Variants in C6orf89 observed in about 807,000 individuals in gnomAD.
The protein encoded by C6orf89 is bombesin receptor-activated protein C6orf89.
In C6orf89, 29 loss-of-function variants were observed where a neutral mutation model predicts 40.7. That is an observed-to-expected ratio of 0.71 (90% CI 0.53 to 0.97). C6orf89 has a LOEUF of 0.97. Among genes scored for constraint, C6orf89 ranks in the 50% least tolerant of loss-of-function variants. The pLI is 0.00. For synonymous variants in C6orf89, 165 were observed against 152.2 expected (o/e 1.08, Z -0.62); for missense variants, 392 against 429.1 (o/e 0.91, Z 0.76).
intron 3 of C6orf89, among the ~76,000 whole-genome samples, chr6:36,901,832 G>T (rs1345838854): frequency 1.3e-5 from 2 of 150,134 alleles, no homozygotes; most frequent in African/African-American, 4.9e-5. Context: ...CATCATGCCT[G>T]GCTAATTTTT....
At chr6:36,903,065 A>G (rs1761782207) in intron 4 of C6orf89, among the ~76,000 whole-genome samples, 1 of 141,012 alleles carries the variant, frequency 7.1e-6, no homozygotes, top group Non-Finnish European at 1.5e-5. Context: ...TTTTGAGAAC[A>G]GTGTTAACAT....
At chr6:36,914,851 A>G (rs1047942909) in intron 6 of C6orf89, among the ~76,000 whole-genome samples, 158 bp downstream of exon 6, 18 of 152,174 alleles carry the variant, frequency 1.2e-4, no homozygotes, top group African/African-American at 3.6e-4. Flanking sequence ...TTAGCCAGGT[A>G]TGGTGGTGCA....
At chr6:36,915,333 G>C (rs1762276542) in intron 6 of C6orf89, among the ~76,000 whole-genome samples, 1 of 152,134 alleles carries the variant, frequency 6.6e-6, no homozygotes, top group Non-Finnish European at 1.5e-5. Context: ...GCATTTTTTG[G>C]CACTTGTTTC....
intron 4 of C6orf89, among the ~76,000 whole-genome samples, chr6:36,903,594 G>T (rs1039747343): frequency 1.3e-5 from 2 of 151,904 alleles, no homozygotes; most frequent in African/African-American, 4.8e-5. Flanking sequence ...TGAGTAGCTG[G>T]GACTATAGGT....
rs533785483 is a variant in C6orf89, at chr6:36,879,681, G to A, written c.-503+549G>A. Among the ~76,000 whole-genome samples, 57 of 152,156 alleles carry A rather than the reference G, an allele frequency of 3.7e-4. 1 individual carries two copies. The highest frequency in any genetic ancestry group is 4.0e-4 in the Non-Finnish European group (27 of 67,976). On this transcript the variant is annotated intron_variant, in intron 2 of 9. Transcript: ENST00000359359. Reference sequence around the variant, plus strand: ...CAAGGGGTACCTTAGGATAAAACACGGGCTTAGGACCCCACAAGCTCGCTG... The same window carrying A: ...CAAGGGGTACCTTAGGATAAAACACAGGCTTAGGACCCCACAAGCTCGCTG...
chr6:36,910,528 G>T (rs1762087551), intron 4 of C6orf89, among the ~76,000 whole-genome samples: 1 of 152,124 alleles, frequency 6.6e-6, no homozygotes, highest in South Asian at 2.1e-4. Context: ...TGGAGTTCAA[G>T]ACCAGCCTGA....
intron 4 of C6orf89, among the ~76,000 whole-genome samples, chr6:36,908,173 T>C (rs1230527077): frequency 2.0e-5 from 3 of 152,220 alleles, no homozygotes; most frequent in African/African-American, 7.2e-5. Context: ...GTTCTTTCTT[T>C]TAAAGTTTGG....
chr6:36,904,107 C>G (rs866124137), intron 4 of C6orf89, among the ~76,000 whole-genome samples: 5 of 152,216 alleles, frequency 3.3e-5, no homozygotes, highest in South Asian at 2.1e-4. Context: ...CTCAAAGCCT[C>G]CCTAACGGCA....
Position 36,914,808 on chromosome 6 carries a change from G to A in C6orf89, c.695+115G>A, listed in dbSNP as rs1762257265. The A allele has an allele frequency of 4.0e-6, 5 of 1,257,774 alleles. No homozygotes were observed. The East Asian group carries it at 7.1e-5, about 18-fold the overall frequency. The allele number at this position is 1,257,774 out of a possible 1,614,324, so 77.9% of individuals were successfully genotyped here. A position where few individuals can be genotyped will look rare whatever the true frequency, so the allele number is the denominator to read the frequency against. On this transcript the variant is annotated intron_variant, in intron 6 of 8. Transcript: ENST00000480824. The stretch of plus-strand genomic sequence containing the variant: ...AGTTGCAGACCAGCCTGGCCAACAT[G>A]GCAAAACCCCATCTCTACTAAAAAT...
chr6:36,901,329 T>TATTACTA (rs1561865581), intron 3 of C6orf89, among the ~76,000 whole-genome samples: 2 of 45,550 alleles, frequency 4.4e-5, no homozygotes, highest in African/African-American at 2.1e-4. Flanking sequence ...TTATTTTTTT[T>TATTACTA]TTTTTTTTTT....
intron 4 of C6orf89, among the ~76,000 whole-genome samples, chr6:36,903,369 G>A (rs913265545): frequency 6.6e-6 from 1 of 152,138 alleles, no homozygotes; most frequent in Admixed American, 6.5e-5. Context: ...AGAATTTATT[G>A]TGTAACCATG....
chr6:36,902,572 C>G, intron 4 of C6orf89, 138 bp downstream of exon 4: 1 of 735,132 alleles, frequency 1.4e-6, no homozygotes, highest in Non-Finnish European at 2.2e-6. Context: ...CACTAAAACT[C>G]TATGAGATGG....
At chr6:36,915,685 G>A (rs1224123149) in intron 6 of C6orf89, among the ~76,000 whole-genome samples, 4 of 150,746 alleles carry the variant, frequency 2.7e-5, no homozygotes, top group South Asian at 2.1e-4. Flanking sequence ...CAGCCTGGGC[G>A]ACAAAGTGAG....
chr6:36,878,507 G>A (rs981668804), intron 1 of C6orf89, among the ~76,000 whole-genome samples: 1 of 152,146 alleles, frequency 6.6e-6, no homozygotes, highest in African/African-American at 2.4e-5. Context: ...GATGTTATGG[G>A]GCTATTTATG....
intron 4 of C6orf89, among the ~76,000 whole-genome samples, chr6:36,910,500 G>T (rs2150705100): frequency 6.6e-6 from 1 of 152,246 alleles, no homozygotes. Context: ...GGCCAAGGCG[G>T]GTGGATTGCT....
intron 1 of C6orf89, among the ~76,000 whole-genome samples, chr6:36,891,725 AG>A (rs1761216151): frequency 6.6e-6 from 1 of 152,258 alleles, no homozygotes; most frequent in South Asian, 2.1e-4. Flanking sequence ...AGCCAAGTAG[AG>A]AAAAAAGAAA....
intron 4 of C6orf89, among the ~76,000 whole-genome samples, chr6:36,907,524 C>T (rs1029479816): frequency 2.0e-5 from 3 of 152,166 alleles, no homozygotes; most frequent in African/African-American, 4.8e-5. Context: ...GGTCTCTGCA[C>T]GTTGACTTCA....
At chr6:36,908,215 A>G (rs910024017) in intron 4 of C6orf89, among the ~76,000 whole-genome samples, 1 of 152,140 alleles carries the variant, frequency 6.6e-6, no homozygotes, top group African/African-American at 2.4e-5. Context: ...GGCATAGGCT[A>G]CCCCATTCCA....
chr6:36,874,640 C>T, intron 1 of C6orf89: 1 of 1,565,638 alleles, frequency 6.4e-7, no homozygotes, highest in Non-Finnish European at 8.8e-7. Context: ...CGGAGGAACG[C>T]GCCAGGAACG....
Sources: gnomAD v4.1 joint callset for allele counts (sites outside exome capture counted in the v4.1 genomes callset) on GRCh38, gnomAD v4.1.1 for gene constraint, MANE v1.5 for transcripts, NCBI Gene and HGNC (gene_info 2026-07-23, HGNC 2026-07-21) for gene names.